ACAD8: variants seen among roughly 807,000 people sequenced by gnomAD.
ACAD8 encodes the protein isobutyryl-CoA dehydrogenase, mitochondrial.
Under a neutral mutation model 53.1 loss-of-function variants are expected in ACAD8, and 47 were observed. The observed-to-expected ratio is 0.89, with a 90% confidence interval of 0.70 to 1.13. The LOEUF (loss-of-function observed/expected upper bound fraction) is 1.13, where lower values mean the gene tolerates loss of function less well. ACAD8 is among the 50% of genes most tolerant of loss of function. The pLI is 0.00. For missense variants in ACAD8, 494 were observed against 535.0 expected (o/e 0.92, Z 0.76); for synonymous variants, 198 against 201.3 (o/e 0.98, Z 0.14).
Position 134,261,378 on chromosome 11 carries a change from C to T in ACAD8, c.939+6C>T, listed in dbSNP as rs768533799. On this transcript the variant is annotated splice_donor_region_variant and intron_variant, in intron 8 of 10. Transcript: ENST00000281182. The surrounding 1 kb of genome is among the most constrained non-coding windows in gnomAD (Gnocchi z 4.2). ...AGCCTCTGGCCAGTAACCAGGTAAC[C>T]TCTGCCTTGCCTCCACATGGCTTTG... is the stretch of plus-strand genomic sequence containing the variant. The T allele has an allele frequency of 1.9e-6, 3 of 1,614,046 alleles. No homozygotes were observed. Among genetic ancestry groups the T allele is most frequent in the Middle Eastern group, 1.6e-4 (1 of 6,062 alleles).
At chr11:134,258,698 C>A in intron 4 of ACAD8, 74 bp downstream of exon 4, 2 of 1,094,892 alleles carry the variant, frequency 1.8e-6, no homozygotes, top group Non-Finnish European at 2.7e-6. Context: ...CCGAGCACTC[C>A]TTCCAGCCTC....
At chr11:134,254,011 C>T (rs1364671898) in intron 1 of ACAD8, among the ~76,000 whole-genome samples, 2 of 149,322 alleles carry the variant, frequency 1.3e-5, no homozygotes, top group Non-Finnish European at 3.0e-5. Flanking sequence ...GGTCCTCCTC[C>T]GGCCGGTCAC....
intron 2 of ACAD8, 142 bp downstream of exon 2, chr11:134,256,790 A>C (rs1267293217): frequency 1.3e-6 from 1 of 788,506 alleles, no homozygotes; most frequent in Middle Eastern, 2.8e-4. Context: ...GTAGTGGATG[A>C]TTTTTCCTAG....
chr11:134,258,333 A>G (rs1208029897), intron 3 of ACAD8, 182 bp from the exon 4 acceptor site: 1 of 647,556 alleles, frequency 1.5e-6, no homozygotes, highest in Admixed American at 2.3e-5. Flanking sequence ...TCCTTATTCC[A>G]GGAATATGTT....
chr11:134,263,830 T>C, intron 10 of ACAD8: 2 of 985,458 alleles, frequency 2.0e-6, no homozygotes, highest in Non-Finnish European at 2.4e-6. Flanking sequence ...TGTTTCATCA[T>C]GGACTTTACT....
chr11:134,265,006 T>G lies in ACAD8; in HGVS notation c.*46T>G, dbSNP rs1333774894. On this transcript the variant is annotated 3_prime_UTR_variant, in exon 11 of 11. Coordinates refer to ENST00000281182, the MANE Select transcript of ACAD8 (RefSeq NM_014384.3). Reference sequence around the variant, plus strand: ...TGGTGTTCAGTGCGACTGCAGTCAGTGTTGAGTGGTGCCATGTGGGCCGCT... The same window carrying G: ...TGGTGTTCAGTGCGACTGCAGTCAGGGTTGAGTGGTGCCATGTGGGCCGCT... 6.3e-7 allele frequency: 1 copy of G among 1,591,552 alleles called. No homozygotes were observed.
chr11:134,254,963 G>C (rs1939413251), intron 1 of ACAD8, among the ~76,000 whole-genome samples: 1 of 152,192 alleles, frequency 6.6e-6, no homozygotes, highest in Admixed American at 6.5e-5. Context: ...TTATGCATAT[G>C]ATTTGCATAA....
chr11:134,259,439 T>G, intron 5 of ACAD8, 169 bp from the exon 6 acceptor site: 2 of 573,848 alleles, frequency 3.5e-6, no homozygotes, highest in South Asian at 4.0e-5. Context: ...TTGGACCTTA[T>G]TGTCAGTCTC....
rs1281451495 is a variant in ACAD8, at chr11:134,265,509, T to TGTGATTTAGG, written c.*553_*562dup. On this transcript the variant is annotated 3_prime_UTR_variant, in exon 11 of 11. Coordinates refer to ENST00000281182, the MANE Select transcript of ACAD8 (RefSeq NM_014384.3). ...GATATTTGGAAACTTACTCCTAAGC[T>TGTGATTTAGG]GTGATTTAGGGTGTATTTCTACTTC... 1 of 155,906 alleles carries TGTGATTTAGG rather than the reference T, an allele frequency of 6.4e-6. No homozygotes were observed. The highest frequency in any genetic ancestry group is 1.4e-5 in the Non-Finnish European group (1 of 70,188). The allele number at this position is 155,906 out of a possible 1,614,324, so 9.7% of individuals were successfully genotyped here. A position where few individuals can be genotyped will look rare whatever the true frequency, so the allele number is the denominator to read the frequency against.
chr11:134,255,427 C>T (rs536916080), intron 1 of ACAD8, among the ~76,000 whole-genome samples: 3 of 152,322 alleles, frequency 2.0e-5, no homozygotes, highest in South Asian at 2.1e-4. Context: ...TGAGCCACTG[C>T]GCCTGGCTGG....
intron 3 of ACAD8, 105 bp downstream of exon 3, chr11:134,257,362 A>G (rs1939600033): frequency 1.4e-6 from 2 of 1,417,532 alleles, no homozygotes; most frequent in Non-Finnish European, 1.9e-6. Context: ...GAGTGTCCTC[A>G]AGGAACTGGA....
chr11:134,263,387 C>G, intron 10 of ACAD8: 12 of 987,314 alleles, frequency 1.2e-5, no homozygotes, highest in Non-Finnish European at 1.4e-5. Flanking sequence ...GGCATGGGAG[C>G]GCAGATTGCG....
In ACAD8 at chr11:134,265,528, C is replaced by T. The variant is rs1187273380; in HGVS notation, c.*568C>T. The T allele has an allele frequency of 6.5e-6, 1 of 154,234 alleles. No homozygotes were observed. Among genetic ancestry groups the T allele is most frequent in the East Asian group, 1.9e-4 (1 of 5,252 alleles). The allele number at this position is 154,234 out of a possible 1,614,324, so 9.6% of individuals were successfully genotyped here. A position where few individuals can be genotyped will look rare whatever the true frequency, so the allele number is the denominator to read the frequency against. On this transcript the variant is annotated 3_prime_UTR_variant, in exon 11 of 11. Coordinates refer to ENST00000281182, the MANE Select transcript of ACAD8 (RefSeq NM_014384.3). ...CTAAGCTGTGATTTAGGGTGTATTT[C>T]TACTTCTGGACTGCCTCAATATCAA...
rs74971988 is a variant in ACAD8 at position 134,260,914 on chromosome 11, C to A, written c.706-130C>A. 0.01 allele frequency: 11,197 copies of A among 1,073,334 alleles called. 795 individuals carry two copies. In the African/African-American group the frequency reaches 0.16, roughly 15 times the overall value. 66.5% of individuals were successfully genotyped at this position (1,073,334 alleles called of 1,614,324 possible). A position where few individuals can be genotyped will look rare whatever the true frequency, so the allele number is the denominator to read the frequency against. On this transcript the variant is annotated intron_variant, in intron 6 of 10. Coordinates refer to ENST00000281182, the MANE Select transcript of ACAD8 (RefSeq NM_014384.3). ...CTTTAAACCTGAACTTTTTCTTTTT[C>A]CTCATTTTAAGTTCTTGTGGGTCTA... is the stretch of plus-strand genomic sequence containing the variant.
At chr11:134,260,281 T>C in intron 6 of ACAD8, 1 of 787,950 alleles carries the variant, frequency 1.3e-6, no homozygotes, top group Non-Finnish European at 1.6e-6. Flanking sequence ...ACAGGAGACT[T>C]GTGATCATGT....
chr11:134,260,737 G>T, intron 6 of ACAD8: 1 of 432,038 alleles, frequency 2.3e-6, no homozygotes, highest in Non-Finnish European at 4.3e-6. Context: ...TCAATTAGAG[G>T]CACTGAAATT....
At chr11:134,260,524 CCTTCT>C (rs1241503872) in intron 6 of ACAD8, 5 of 206,934 alleles carry the variant, frequency 2.4e-5, no homozygotes, top group Non-Finnish European at 4.9e-5. Flanking sequence ...TTTAGCATCC[CCTTCT>C]CTTTGGTAAC....
Position 134,265,154 on chromosome 11 carries a change from A to C in ACAD8, c.*194A>C. The stretch of plus-strand genomic sequence containing the variant: ...GGGCAGAATCCCCAGTGGAACCGGA[A>C]GAGCTGGACTGATGAGAAACATCAG... On this transcript the variant is annotated 3_prime_UTR_variant, in exon 11 of 11. Coordinates refer to ENST00000281182, the MANE Select transcript of ACAD8 (RefSeq NM_014384.3). 1.6e-6 allele frequency: 1 copy of C among 633,792 alleles called. No individual in the cohort carries two copies. Among genetic ancestry groups the C allele is most frequent in the South Asian group, 1.8e-5 (1 of 54,670 alleles). The allele number at this position is 633,792 out of a possible 1,614,324, so 39.3% of individuals were successfully genotyped here. A position where few individuals can be genotyped will look rare whatever the true frequency, so the allele number is the denominator to read the frequency against.
chr11:134,253,722 T>C lies in ACAD8; in HGVS notation c.109+13T>C, dbSNP rs1939266162. On this transcript the variant is annotated intron_variant, in intron 1 of 10. Transcript: ENST00000281182. The stretch of plus-strand genomic sequence containing the variant: ...TCCTGCATCGACCGTAAGGATCTCC[T>C]GGCGGGCAGTAGGACAGGTGTCCAG... 1 of 1,579,736 alleles carries C rather than the reference T, an allele frequency of 6.3e-7. No individual in the cohort carries two copies. Among genetic ancestry groups the C allele is most frequent in the East Asian group, 2.3e-5 (1 of 43,002 alleles).
Sources: allele counts gnomAD v4.1 joint callset (sites outside exome capture counted in the v4.1 genomes callset), GRCh38; gene constraint gnomAD v4.1.1; non-coding constraint Gnocchi (gnomAD v3.1); transcripts MANE v1.5; gene names NCBI Gene and HGNC (gene_info 2026-07-23, HGNC 2026-07-21).